Variants in CNTN5 observed in about 807,000 individuals in gnomAD.
CNTN5 encodes contactin 5, also known as contactin-5.
In CNTN5, 77 loss-of-function variants were observed where a neutral mutation model predicts 129.1. The ratio of observed to expected loss-of-function variants is 0.60; its 90% CI spans 0.50 to 0.72. CNTN5 has a LOEUF of 0.72. CNTN5 is among the 30% of genes least tolerant of loss of function. CNTN5 has a pLI of 0.00. For missense variants in CNTN5, 1,478 were observed against 1,328.8 expected (o/e 1.11, Z -1.75); for synonymous variants, 509 against 465.6 (o/e 1.09, Z -1.20).
chr11:99,207,247 G>A (rs1453345524), intron 1 of CNTN5, among the ~76,000 whole-genome samples: 1 of 152,060 alleles, frequency 6.6e-6, no homozygotes, highest in Non-Finnish European at 1.5e-5. Context: ...TGTACAGGAC[G>A]CATCTGAAGC....
At chr11:99,280,189 C>T (rs1361804455) in intron 1 of CNTN5, among the ~76,000 whole-genome samples, 1 of 151,440 alleles carries the variant, frequency 6.6e-6, no homozygotes, top group African/African-American at 2.4e-5. Flanking sequence ...AGAAAAAATA[C>T]TATATATTTT....
At chr11:99,817,596 G>GTT (rs372057505) in intron 3 of CNTN5, among the ~76,000 whole-genome samples, 13,367 of 98,982 alleles carry the variant, frequency 0.14, 710 homozygotes, top group Non-Finnish European at 0.16. Flanking sequence ...GTCTGGGATA[G>GTT]TTTTTTTTTT....
intron 3 of CNTN5, among the ~76,000 whole-genome samples, chr11:99,665,675 CG>C (rs1171970617): frequency 4.6e-5 from 7 of 151,356 alleles, no homozygotes; most frequent in Non-Finnish European, 8.8e-5. Context: ...TTAGTAGAGC[CG>C]GGGTTGCACA....
chr11:99,680,872 A>G (rs1418761682), intron 3 of CNTN5, among the ~76,000 whole-genome samples: 1 of 152,000 alleles, frequency 6.6e-6, no homozygotes, highest in South Asian at 2.1e-4. Flanking sequence ...TATGCAAAGT[A>G]AATTAAAAAC....
chr11:99,920,761 C>T (rs962468440), intron 7 of CNTN5, among the ~76,000 whole-genome samples: 1 of 152,114 alleles, frequency 6.6e-6, no homozygotes, highest in Admixed American at 6.6e-5. Flanking sequence ...ACACTAATCT[C>T]ATTCATGAGA....
intron 1 of CNTN5, among the ~76,000 whole-genome samples, chr11:99,304,944 A>G (rs1864807950): frequency 6.6e-6 from 1 of 152,194 alleles, no homozygotes; most frequent in African/African-American, 2.4e-5. Flanking sequence ...TGCTCAGCAA[A>G]GGTTACTAAT....
chr11:99,507,749 T>A (rs1251049259), intron 2 of CNTN5, among the ~76,000 whole-genome samples: 3 of 152,184 alleles, frequency 2.0e-5, no homozygotes, highest in African/African-American at 7.2e-5. Flanking sequence ...ACGTGCCATA[T>A]TTTTTCATCA....
intron 13 of CNTN5, among the ~76,000 whole-genome samples, chr11:100,140,766 G>A (rs1021831692): frequency 3.9e-5 from 6 of 152,074 alleles, no homozygotes; most frequent in African/African-American, 1.4e-4. Flanking sequence ...GGCAAGCTAG[G>A]AGCTAAAATT....
intron 16 of CNTN5, among the ~76,000 whole-genome samples, chr11:100,233,445 A>G (rs1026335427): frequency 1.3e-5 from 2 of 152,226 alleles, no homozygotes; most frequent in African/African-American, 2.4e-5. Context: ...GATATTCTAC[A>G]TTAGCTTGTA....
chr11:99,112,734 T>A (rs1268086827), intron 1 of CNTN5, among the ~76,000 whole-genome samples: 2 of 152,154 alleles, frequency 1.3e-5, no homozygotes, highest in East Asian at 1.9e-4. Context: ...CAGCACTGAA[T>A]GCTGGCTTAT....
intron 1 of CNTN5, among the ~76,000 whole-genome samples, chr11:99,289,135 T>C (rs1179662622): frequency 6.6e-6 from 1 of 151,882 alleles, no homozygotes; most frequent in Non-Finnish European, 1.5e-5. Flanking sequence ...GTTACTATGA[T>C]GTGATAATAC....
intron 1 of CNTN5, among the ~76,000 whole-genome samples, chr11:99,175,293 T>C (rs1857719469): frequency 6.6e-6 from 1 of 152,134 alleles, no homozygotes; most frequent in Admixed American, 6.6e-5. Context: ...TGAATGTTCA[T>C]GGTCTTGTAC....
intron 3 of CNTN5, among the ~76,000 whole-genome samples, chr11:99,622,741 G>A (rs747549154): frequency 2.0e-5 from 3 of 151,916 alleles, no homozygotes; most frequent in Non-Finnish European, 2.9e-5. Context: ...TCAATGAAAA[G>A]GCCCGTTCCC....
intron 3 of CNTN5, among the ~76,000 whole-genome samples, chr11:99,735,772 G>A (rs1285254788): frequency 6.6e-6 from 1 of 151,970 alleles, no homozygotes; most frequent in Non-Finnish European, 1.5e-5. Context: ...CACCTCATAC[G>A]GTTACCATCG....
At chr11:100,271,278 C>T (rs1950403780) in intron 18 of CNTN5, 37 bp downstream of exon 18, 1 of 1,496,124 alleles carries the variant, frequency 6.7e-7, no homozygotes, top group Non-Finnish European at 9.0e-7. Context: ...ATTTGGTATG[C>T]TTCTAATCGT....
chr11:99,336,946 A>G (rs1013643699), intron 2 of CNTN5, among the ~76,000 whole-genome samples: 3 of 152,190 alleles, frequency 2.0e-5, no homozygotes, highest in African/African-American at 7.2e-5. Context: ...TGCTTGGTGT[A>G]CAGATTTTTT....
At chr11:99,112,953 G>A (rs1375293673) in intron 1 of CNTN5, among the ~76,000 whole-genome samples, 1 of 151,844 alleles carries the variant, frequency 6.6e-6, no homozygotes, top group African/African-American at 2.4e-5. Flanking sequence ...AGTGAGGTGA[G>A]ATTTACAAAT....
intron 3 of CNTN5, among the ~76,000 whole-genome samples, chr11:99,733,276 C>T (rs868472737): frequency 1.4e-5 from 2 of 147,654 alleles, no homozygotes; most frequent in Admixed American, 6.8e-5. Flanking sequence ...GAGCCGAGAT[C>T]GTGCCACTGC....
At chr11:99,692,966 T>G (rs550858440) in intron 3 of CNTN5, among the ~76,000 whole-genome samples, 1 of 152,146 alleles carries the variant, frequency 6.6e-6, no homozygotes, top group African/African-American at 2.4e-5. Flanking sequence ...TCAAGACAGC[T>G]TCACAGAGTT....
Sources: allele counts gnomAD v4.1 joint callset (sites outside exome capture counted in the v4.1 genomes callset), GRCh38; gene constraint gnomAD v4.1.1; transcripts MANE v1.5; gene names NCBI Gene and HGNC (gene_info 2026-07-23, HGNC 2026-07-21).